CLINT1: variants seen among roughly 807,000 people sequenced by gnomAD.
The protein encoded by CLINT1 is clathrin interacting protein localized in the trans-Golgi region.
In CLINT1, 15 loss-of-function variants were observed where a neutral mutation model predicts 70.4. That is an observed-to-expected ratio of 0.21 (90% CI 0.14 to 0.33). The LOEUF is 0.33. Among genes scored for constraint, CLINT1 ranks in the 10% least tolerant of loss-of-function variants. The pLI is 1.00. For synonymous variants in CLINT1, 227 were observed against 254.7 expected (o/e 0.89, Z 1.04); for missense variants, 615 against 778.1 (o/e 0.79, Z 2.49).
At chr5:157,832,153 T>C (rs1490761780) in intron 1 of CLINT1, among the ~76,000 whole-genome samples, 1 of 151,980 alleles carries the variant, frequency 6.6e-6, no homozygotes, top group Admixed American at 6.6e-5. Context: ...ACGCGAATTT[T>C]TGTATTTTTA....
rs1342966238 is a variant in CLINT1 at position 157,856,391 on chromosome 5, G to A, written c.41+2539C>T. ...ATCATACATACAGCTAATTAAAAACGTAATGCCAGAATATGAACCAGATAG... is the reference window on the plus strand; with the variant it reads ...ATCATACATACAGCTAATTAAAAACATAATGCCAGAATATGAACCAGATAG... On this transcript the variant is annotated intron_variant, in intron 1 of 11. Transcript: ENST00000411809. Among the ~76,000 whole-genome samples the A allele has an allele frequency of 3.3e-5, 5 of 152,294 alleles. No homozygotes were observed. The East Asian group carries it at 5.8e-4, about 18-fold the overall frequency.
At chr5:157,815,010 G>A (rs1762674173) in intron 3 of CLINT1, among the ~76,000 whole-genome samples, 1 of 149,298 alleles carries the variant, frequency 6.7e-6, no homozygotes, top group Non-Finnish European at 1.5e-5. Flanking sequence ...TCCAGCCTCG[G>A]CGACAGAGAA....
rs1158275464 is a variant in CLINT1, at chr5:157,813,027, C to G, written c.517+36G>C. 8.8e-6 allele frequency: 14 copies of G among 1,593,032 alleles called. No homozygotes were observed. In the Admixed American group the frequency reaches 2.3e-4, roughly 26 times the overall value. ...CTTAAAATATACTCAAGAAGCTAAG[C>G]TGATGCTTAGGTGTCAGCTTGTCTT... On this transcript the variant is annotated intron_variant, in intron 5 of 11. Coordinates refer to ENST00000411809, the MANE Select transcript of CLINT1 (RefSeq NM_014666.4).
intron 11 of CLINT1, 92 bp downstream of exon 11, chr5:157,789,271 G>A (rs1422750597): frequency 9.2e-7 from 1 of 1,082,688 alleles, no homozygotes; most frequent in Non-Finnish European, 1.4e-6. Context: ...CAATTTATGT[G>A]ATATATTTTT....
intron 1 of CLINT1, among the ~76,000 whole-genome samples, chr5:157,837,649 C>CTTT (rs202044066): frequency 0.21 from 29,126 of 138,342 alleles, 3,978 homozygotes; most frequent in East Asian, 0.59. Context: ...AGCTCTTTTA[C>CTTT]TTTTTTTTTT....
intron 8 of CLINT1, among the ~76,000 whole-genome samples, chr5:157,797,885 G>A (rs1342068866): frequency 6.6e-6 from 1 of 152,126 alleles, no homozygotes; most frequent in Non-Finnish European, 1.5e-5. Context: ...ATAGCAAATA[G>A]TATTCCTCTC....
intron 7 of CLINT1, among the ~76,000 whole-genome samples, chr5:157,805,452 C>T (rs1054440446): frequency 6.6e-6 from 1 of 152,182 alleles, no homozygotes; most frequent in Non-Finnish European, 1.5e-5. Flanking sequence ...TTATAGGCAA[C>T]GTTTCTACAT....
At position 157,787,950 on chromosome 5, in the gene CLINT1, G is replaced by A; in HGVS notation, c.1574C>T (p.Ala525Val). The part of the protein sequence containing the change: ...PMNVMTQSFG[A>V]VNLSSPSNML... Reference sequence around the variant, plus strand: ...GTTCGATGGAGAACTGAGGTTCACAGCTCCAAAACTTTGAGTCATCACATT... The same window carrying A: ...GTTCGATGGAGAACTGAGGTTCACAACTCCAAAACTTTGAGTCATCACATT... The change falls in exon 12 of 12, where the codon GCT (alanine) becomes GTT (valine). Residue 525 changes from alanine (A) to valine (V), a missense_variant. Transcript: ENST00000411809. 6.2e-7 allele frequency: 1 copy of A among 1,612,194 alleles called. No individual in the cohort carries two copies. The highest frequency in any genetic ancestry group is 1.1e-5 in the South Asian group (1 of 90,788).
chr5:157,845,090 T>C (rs188248956), intron 1 of CLINT1, among the ~76,000 whole-genome samples: 135 of 152,366 alleles, frequency 8.9e-4, no homozygotes, highest in African/African-American at 2.9e-3. Flanking sequence ...GGCTCACGCC[T>C]GTAATCCCAG....
chr5:157,809,819 T>A lies in CLINT1; in HGVS notation c.518-14A>T. The A allele has an allele frequency of 6.2e-7, 1 of 1,601,182 alleles. No individual in the cohort carries two copies. ...CATATCTTTCACCTAGATAGAGCAT[T>A]AAAAAAAGAAGCAATTCTAACGACA... On this transcript the variant is annotated splice_polypyrimidine_tract_variant and intron_variant, in intron 5 of 11. Transcript: ENST00000411809.
Position 157,819,202 on chromosome 5 carries a change from T to G in CLINT1, c.42-1655A>C, listed in dbSNP as rs571090684. ...TTTGGGTCAAATTTTAAAGGAACAA[T>G]TATGCATTTAAGTGTGACTTGCCAA... On this transcript the variant is annotated intron_variant, in intron 1 of 11. Transcript: ENST00000411809. Among the ~76,000 whole-genome samples, 56 of 152,246 alleles carry G rather than the reference T, an allele frequency of 3.7e-4. 2 individuals are homozygous for G. Among genetic ancestry groups the G allele is most frequent in the Middle Eastern group, 6.8e-3 (2 of 294 alleles).
At chr5:157,851,766 T>C (rs560788582) in intron 1 of CLINT1, among the ~76,000 whole-genome samples, 3 of 152,044 alleles carry the variant, frequency 2.0e-5, no homozygotes, top group South Asian at 2.1e-4. Context: ...AAACCATTCA[T>C]GTGCACTGTT....
Position 157,793,620 on chromosome 5 carries a change from A to T in CLINT1, c.1087+1278T>A, listed in dbSNP as rs112501778. Among the ~76,000 whole-genome samples, 1,090 of 152,316 alleles carry T rather than the reference A, an allele frequency of 7.2e-3. 13 individuals carry two copies. The highest frequency in any genetic ancestry group is 0.025 in the African/African-American group (1,043 of 41,574). Reference sequence around the variant, plus strand: ...TATACATAAAAACTTTGAGAATTAGACAGGGAAGCTATAAAATAAGGGTAA... The same window carrying T: ...TATACATAAAAACTTTGAGAATTAGTCAGGGAAGCTATAAAATAAGGGTAA... On this transcript the variant is annotated intron_variant, in intron 9 of 11. Transcript: ENST00000411809.
chr5:157,858,874 T>TCCCCCCCCCCCCCCCCCC, intron 1 of CLINT1, 56 bp downstream of exon 1: 1 of 957,432 alleles, frequency 1.0e-6, no homozygotes, highest in Non-Finnish European at 1.5e-6. Context: ...CAGCTCCTTC[T>TCCCCCCCCCCCCCCCCCC]CCCCCTCCCC....
At chr5:157,845,789 C>T (rs1022528722) in intron 1 of CLINT1, among the ~76,000 whole-genome samples, 4 of 152,254 alleles carry the variant, frequency 2.6e-5, no homozygotes, top group South Asian at 2.1e-4. Flanking sequence ...CTCCTGACCT[C>T]GTGATCCGCC....
intron 1 of CLINT1, among the ~76,000 whole-genome samples, chr5:157,848,500 T>C (rs1183343839): frequency 5.3e-5 from 8 of 151,960 alleles, no homozygotes; most frequent in South Asian, 2.1e-4. Flanking sequence ...TTTAGAGGAC[T>C]GAATCCAATT....
At chr5:157,794,866 C>T (rs1289886139) in intron 9 of CLINT1, 32 bp downstream of exon 9, 10 of 1,527,194 alleles carry the variant, frequency 6.5e-6, no homozygotes, top group South Asian at 2.4e-5. Context: ...TTTTACCACC[C>T]TAGACTTCTG....
At chr5:157,803,603 A>C in intron 8 of CLINT1, 47 bp downstream of exon 8, 1 of 1,317,114 alleles carries the variant, frequency 7.6e-7, no homozygotes, top group Non-Finnish European at 1.0e-6. Flanking sequence ...TTGGCATTTT[A>C]AAAAATGACT....
chr5:157,849,352 TTAGCAATAAGA>T (rs746571179), intron 1 of CLINT1, among the ~76,000 whole-genome samples: 19 of 152,352 alleles, frequency 1.2e-4, no homozygotes, highest in Non-Finnish European at 2.4e-4. Flanking sequence ...GCTGTACTTT[TTAGCAATAAGA>T]TATTTTTAAA....
Sources: gnomAD v4.1 joint callset for allele counts (sites outside exome capture counted in the v4.1 genomes callset) on GRCh38, gnomAD v4.1.1 for gene constraint, MANE v1.5 for transcripts, NCBI Gene and HGNC (gene_info 2026-07-23, HGNC 2026-07-21) for gene names.